The following KLRD1 variants were observed in gnomAD, a reference collection of about 807,000 sequenced individuals.
The protein encoded by KLRD1 is natural killer cells antigen CD94.
A neutral mutation model predicts 22.6 loss-of-function variants in KLRD1; 21 were observed. The ratio of observed to expected loss-of-function variants is 0.93; its 90% CI spans 0.66 to 1.34. The LOEUF is 1.34. Among genes scored for constraint, KLRD1 ranks in the 40% most tolerant of loss-of-function variants. KLRD1 has a pLI of 0.00. For missense variants in KLRD1, 183 were observed against 208.6 expected (o/e 0.88, Z 0.76); for synonymous variants, 59 against 71.1 (o/e 0.83, Z 0.85).
chr12:10,257,124 T>TTTGTTTTTTC (rs200546785), intron 1 of KLRD1, among the ~76,000 whole-genome samples: 1 of 111,596 alleles, frequency 9.0e-6, no homozygotes, highest in African/African-American at 2.9e-5. Flanking sequence ...TTTGTTTTGT[T>TTTGTTTTTTC]TTTTCTTTTC....
chr12:10,244,931 G>A (rs1423451096), intron 1 of KLRD1, among the ~76,000 whole-genome samples: 1 of 152,124 alleles, frequency 6.6e-6, no homozygotes, highest in Non-Finnish European at 1.5e-5. Flanking sequence ...ATTTATTGGT[G>A]TTTACTATAT....
At chr12:10,281,524 G>A (rs1222732736) in intron 1 of KLRD1, among the ~76,000 whole-genome samples, 2 of 152,246 alleles carry the variant, frequency 1.3e-5, no homozygotes, top group Admixed American at 6.5e-5. Flanking sequence ...ACACACAAGT[G>A]CAGGTTCATT....
chr12:10,241,667 T>C (rs558083404), intron 1 of KLRD1, among the ~76,000 whole-genome samples: 2 of 152,206 alleles, frequency 1.3e-5, no homozygotes, highest in African/African-American at 2.4e-5. Context: ...CAGAGAACTA[T>C]AGTTAGGAAG....
At chr12:10,251,759 A>G (rs548328274) in intron 1 of KLRD1, among the ~76,000 whole-genome samples, 1 of 152,136 alleles carries the variant, frequency 6.6e-6, no homozygotes, top group East Asian at 1.9e-4. Context: ...CATAAGAAGC[A>G]CACAACCTAG....
chr12:10,242,077 T>TTTTTG (rs1949247124), intron 1 of KLRD1, among the ~76,000 whole-genome samples: 1 of 148,652 alleles, frequency 6.7e-6, no homozygotes, highest in Non-Finnish European at 1.5e-5. Context: ...TGCTGTTTTT[T>TTTTTG]TTTTTTTTTT....
Position 10,328,221 on chromosome 12 carries a change from G to A in KLRD1, c.*13428G>A, listed in dbSNP as rs554933226. ...TTTTTAAATTTTTATATAATAGCTT[G>A]GGAAAGATGGCCATTAATTTCTCCT... On this transcript the variant is annotated 3_prime_UTR_variant, in exon 6 of 6. Transcript: ENST00000336164. The A allele has an allele frequency of 3.2e-4, 48 of 152,156 alleles. No individual in the cohort carries two copies. In the Middle Eastern group the frequency reaches 0.01, roughly 32 times the overall value. 9.4% of individuals were successfully genotyped at this position (152,156 alleles called of 1,614,324 possible). A position where few individuals can be genotyped will look rare whatever the true frequency, so the allele number is the denominator to read the frequency against.
chr12:10,245,336 C>A (rs1038645359), intron 1 of KLRD1, among the ~76,000 whole-genome samples: 1 of 151,872 alleles, frequency 6.6e-6, no homozygotes, highest in Non-Finnish European at 1.5e-5. Flanking sequence ...CCAGCCTGGG[C>A]GACAGAGCAA....
intron 1 of KLRD1, among the ~76,000 whole-genome samples, chr12:10,273,662 G>C (rs1043342049): frequency 3.3e-5 from 5 of 152,160 alleles, no homozygotes; most frequent in African/African-American, 1.2e-4. Flanking sequence ...TGGGTCTTAA[G>C]TTGTTTTGGA....
At position 10,325,440 on chromosome 12, in the gene KLRD1, G is replaced by T. The variant is rs1950351777; in HGVS notation, c.*10647G>T. 2.0e-5 allele frequency: 3 copies of T among 151,984 alleles called. No homozygotes were observed. Among genetic ancestry groups the T allele is most frequent in the African/African-American group, 7.2e-5 (3 of 41,390 alleles). 9.4% of individuals were successfully genotyped at this position (151,984 alleles called of 1,614,324 possible). A position where few individuals can be genotyped will look rare whatever the true frequency, so the allele number is the denominator to read the frequency against. ...CTACAGTACAGTATTATTAACAATA[G>T]GTACAATGTTGTATAGTAGATCTCT... On this transcript the variant is annotated 3_prime_UTR_variant, in exon 6 of 6. Transcript: ENST00000336164.
chr12:10,312,046 CT>C lies in KLRD1; in HGVS notation c.315+435del, dbSNP rs1464045011. Among the ~76,000 whole-genome samples, 459 of 128,476 alleles carry C rather than the reference CT, an allele frequency of 3.6e-3. 3 individuals carry two copies. The highest frequency in any genetic ancestry group is 0.012 in the African/African-American group (433 of 35,872). 84.3% of individuals were successfully genotyped at this position (128,476 alleles called of 152,430 possible). On this transcript the variant is annotated intron_variant, in intron 4 of 5. Transcript: ENST00000336164. The stretch of plus-strand genomic sequence containing the variant: ...GTAAGAAAACGTACCCAATTCTTTT[CT>C]TTTCTTTTTTTTTTTTTTTTTTTGA...
At chr12:10,246,776 T>A (rs1048396090) in intron 1 of KLRD1, among the ~76,000 whole-genome samples, 1 of 152,150 alleles carries the variant, frequency 6.6e-6, no homozygotes, top group Non-Finnish European at 1.5e-5. Flanking sequence ...TAATTTGTTT[T>A]GGCTATGTTT....
At position 10,325,934 on chromosome 12, in the gene KLRD1, G is replaced by A. The variant is rs967119608; in HGVS notation, c.*11141G>A. 1 of 152,160 alleles carries A rather than the reference G, an allele frequency of 6.6e-6. No homozygotes were observed. Among genetic ancestry groups the A allele is most frequent in the Non-Finnish European group, 1.5e-5 (1 of 68,032 alleles). The allele number at this position is 152,160 out of a possible 1,614,324, so 9.4% of individuals were successfully genotyped here. ...CACAATTTTTCATTCCCACCAAAGTGTTCAAGGGGTCTAATTACCCCACGT... is the reference window on the plus strand; with the variant it reads ...CACAATTTTTCATTCCCACCAAAGTATTCAAGGGGTCTAATTACCCCACGT... On this transcript the variant is annotated 3_prime_UTR_variant, in exon 6 of 6. Coordinates refer to ENST00000336164, the MANE Select transcript of KLRD1 (RefSeq NM_002262.5).
intron 1 of KLRD1, among the ~76,000 whole-genome samples, chr12:10,287,612 A>G (rs1949719890): frequency 6.6e-6 from 1 of 152,232 alleles, no homozygotes; most frequent in African/African-American, 2.4e-5. Flanking sequence ...ACTTTTACGA[A>G]TTAAATTATG....
intron 1 of KLRD1, among the ~76,000 whole-genome samples, chr12:10,290,807 CAT>C (rs1467252394): frequency 1.3e-5 from 2 of 152,056 alleles, no homozygotes; most frequent in African/African-American, 4.8e-5. Context: ...TGAATTTACA[CAT>C]GATAAAACTG....
At chr12:10,265,236 G>C (rs2137636074) in intron 1 of KLRD1, among the ~76,000 whole-genome samples, 1 of 151,928 alleles carries the variant, frequency 6.6e-6, no homozygotes, top group East Asian at 1.9e-4. Context: ...ATTATATATA[G>C]ACATACACAT....
At chr12:10,262,765 TAAAACAGATATCCA>T (rs1274635100) in intron 1 of KLRD1, among the ~76,000 whole-genome samples, 1 of 151,958 alleles carries the variant, frequency 6.6e-6, no homozygotes, top group Non-Finnish European at 1.5e-5. Context: ...GGATGGCAAA[TAAAACAGATATCCA>T]AAATTTCTTA....
chr12:10,247,816 G>A (rs1475640865), intron 1 of KLRD1, among the ~76,000 whole-genome samples: 4 of 151,822 alleles, frequency 2.6e-5, no homozygotes, highest in South Asian at 2.1e-4. Context: ...TCTCTGTCCC[G>A]GCCACCCAGT....
intron 1 of KLRD1, among the ~76,000 whole-genome samples, chr12:10,253,395 T>G (rs1336519871): frequency 3.0e-5 from 4 of 132,256 alleles, no homozygotes; most frequent in African/African-American, 1.0e-4. Context: ...TTCGGGCATC[T>G]TTTCTTTCAC....
At chr12:10,259,415 A>G (rs1949428224) in intron 1 of KLRD1, among the ~76,000 whole-genome samples, 1 of 152,108 alleles carries the variant, frequency 6.6e-6, no homozygotes, top group Non-Finnish European at 1.5e-5. Context: ...ATATGTAGTT[A>G]CTTTACATTT....
Sources: allele counts gnomAD v4.1 joint callset (sites outside exome capture counted in the v4.1 genomes callset), GRCh38; gene constraint gnomAD v4.1.1; transcripts MANE v1.5; gene names NCBI Gene and HGNC (gene_info 2026-07-23, HGNC 2026-07-21).